Variants in FAM124B observed in about 807,000 individuals in gnomAD.
The protein encoded by FAM124B is family with sequence similarity 124 member B.
A neutral mutation model predicts 19.7 loss-of-function variants in FAM124B; 18 were observed. The observed-to-expected ratio is 0.92, with a 90% CI of 0.63 to 1.36. The LOEUF (loss-of-function observed/expected upper bound fraction) is 1.36. Among genes scored for constraint, FAM124B ranks in the 40% most tolerant of loss-of-function variants. The pLI is 0.00. For synonymous variants in FAM124B, 223 were observed against 225.2 expected (o/e 0.99, Z 0.09); for missense variants, 540 against 553.3 (o/e 0.98, Z 0.24).
In FAM124B at chr2:224,380,155, C is replaced by T. The variant is rs200510905; in HGVS notation, c.786G>A (p.Met262Ile). ...AAGTCAGCCTGGAGCCCAGGGGAAG[C>T]ATGCCAGCTCCCAAGATGCCATTCT... ...GVKNGILGAG[M>I]LPLGSRLTSV... Residue 262 changes from methionine (M) to isoleucine (I), a missense_variant, in exon 2 of 2, where the codon ATG becomes ATA. Coordinates refer to ENST00000409685, the MANE Select transcript of FAM124B (RefSeq NM_001122779.2). 1.3e-6 allele frequency: 2 copies of T among 1,551,404 alleles called. No homozygotes were observed. The highest frequency in any genetic ancestry group is 2.0e-5 in the Admixed American group (1 of 50,986).
Position 224,379,163 on chromosome 2 carries a change from T to A in FAM124B, c.*410A>T, listed in dbSNP as rs143256956. 118 of 162,478 alleles carry A rather than the reference T, an allele frequency of 7.3e-4. 2 individuals are homozygous for A. Among genetic ancestry groups the A allele is most frequent in the Non-Finnish European group, 1.0e-3 (77 of 73,612 alleles). The allele number at this position is 162,478 out of a possible 1,614,324, so 10.1% of individuals were successfully genotyped here. A position where few individuals can be genotyped will look rare whatever the true frequency, so the allele number is the denominator to read the frequency against. ...AAAAGCATTCAAGAGTAAATAGCAGTCCATATTGTCCAGGGGGATGAGCTA... is the reference window on the plus strand; with the variant it reads ...AAAAGCATTCAAGAGTAAATAGCAGACCATATTGTCCAGGGGGATGAGCTA... On this transcript the variant is annotated 3_prime_UTR_variant, in exon 2 of 2. Transcript: ENST00000409685.
chr2:224,380,317 T>C, intron 1 of FAM124B, 109 bp from the exon 2 acceptor site: 1 of 995,264 alleles, frequency 1.0e-6, no homozygotes, highest in Non-Finnish European at 1.5e-6. Context: ...ATAGCAGACT[T>C]TCAGTAAATT....
intron 1 of FAM124B, among the ~76,000 whole-genome samples, chr2:224,395,208 T>G (rs1010990026): frequency 1.3e-5 from 2 of 151,846 alleles, no homozygotes; most frequent in Non-Finnish European, 2.9e-5. Flanking sequence ...GGGCAGGAGA[T>G]GAATGCATCA....
Position 224,402,064 on chromosome 2 carries a change from G to A in FAM124B, c.-296C>T, listed in dbSNP as rs116629876. On this transcript the variant is annotated 5_prime_UTR_variant, in exon 1 of 2. Coordinates refer to ENST00000409685, the MANE Select transcript of FAM124B (RefSeq NM_001122779.2). The stretch of plus-strand genomic sequence containing the variant: ...TAACTGCTTGTGTTTAGCCTTTTCA[G>A]GCGTTCCCCAGGGTTTCTGCGTGAC... 1,449 of 342,628 alleles carry A rather than the reference G, an allele frequency of 4.2e-3. 14 individuals carry two copies. The highest frequency in any genetic ancestry group is 0.027 in the African/African-American group (1,311 of 49,182). The allele number at this position is 342,628 out of a possible 1,614,324, so 21.2% of individuals were successfully genotyped here.
intron 1 of FAM124B, chr2:224,400,436 G>T: frequency 1.4e-6 from 1 of 695,568 alleles, no homozygotes. Context: ...AACCCAGAAG[G>T]TGAAGACCTC....
rs1329097574 is a variant in FAM124B, at chr2:224,401,788, G to A, written c.-20C>T. On this transcript the variant is annotated 5_prime_UTR_variant, in exon 1 of 2. Coordinates refer to ENST00000409685, the MANE Select transcript of FAM124B (RefSeq NM_001122779.2). ...ATCCATGGAGGAACTGCCTGAGGCT[G>A]ACAAAGACAGCGTGTGTAGAAGGCC... The A allele has an allele frequency of 6.3e-7, 1 of 1,596,162 alleles. No individual in the cohort carries two copies. The highest frequency in any genetic ancestry group is 8.5e-7 in the Non-Finnish European group (1 of 1,170,254).
rs560478311 is a variant in FAM124B, at chr2:224,382,474, A to AT, written c.733-2267dup. ...GCCCAATCTGGAGTGCAATGGCGCA[A>AT]TCTCAGCTCACTGCAACCTCCACCT... is the stretch of plus-strand genomic sequence containing the variant. On this transcript the variant is annotated intron_variant, in intron 1 of 1. Coordinates refer to ENST00000409685, the MANE Select transcript of FAM124B (RefSeq NM_001122779.2). Among the ~76,000 whole-genome samples, 386 of 144,370 alleles carry AT rather than the reference A, an allele frequency of 2.7e-3. 2 individuals carry two copies. The highest frequency in any genetic ancestry group is 4.1e-3 in the Non-Finnish European group (279 of 67,358). 94.7% of individuals were successfully genotyped at this position (144,370 alleles called of 152,430 possible).
intron 1 of FAM124B, among the ~76,000 whole-genome samples, chr2:224,390,242 G>C (rs1200504061): frequency 2.0e-5 from 3 of 151,776 alleles, no homozygotes; most frequent in Admixed American, 6.6e-5. Context: ...ATTTCAAGAA[G>C]GCAGGAGTGG....
chr2:224,392,599 AC>A (rs1689905640), intron 1 of FAM124B, among the ~76,000 whole-genome samples: 1 of 152,132 alleles, frequency 6.6e-6, no homozygotes, highest in Admixed American at 6.5e-5. Flanking sequence ...TACAAAAAAT[AC>A]AAAAATTAGC....
chr2:224,398,938 T>C (rs1306535524), intron 1 of FAM124B, among the ~76,000 whole-genome samples: 1 of 152,050 alleles, frequency 6.6e-6, no homozygotes, highest in African/African-American at 2.4e-5. Flanking sequence ...GATCACACCA[T>C]TGCACTCCAG....
intron 1 of FAM124B, among the ~76,000 whole-genome samples, chr2:224,391,454 G>A (rs548471759): frequency 1.6e-3 from 237 of 152,100 alleles, no homozygotes; most frequent in Middle Eastern, 6.8e-3. Context: ...GCTAAGATAT[G>A]AAACGGAAAG....
chr2:224,390,742 C>T (rs1383092170), intron 1 of FAM124B, among the ~76,000 whole-genome samples: 1 of 150,498 alleles, frequency 6.6e-6, no homozygotes, highest in Non-Finnish European at 1.5e-5. Context: ...TCTCAGTCGC[C>T]CAGGCTGGAG....
At chr2:224,382,406 T>A (rs942840717) in intron 1 of FAM124B, among the ~76,000 whole-genome samples, 31 of 38,122 alleles carry the variant, frequency 8.1e-4, no homozygotes, top group Middle Eastern at 0.011. Context: ...ATTCCCTGTC[T>A]TTTTTTTTTT....
rs1253390713 is a variant in FAM124B, at chr2:224,401,516, C to CG, written c.252dup (p.Val85ArgfsTer63). 3.1e-6 allele frequency: 5 copies of CG among 1,614,078 alleles called. No homozygotes were observed. The highest frequency in any genetic ancestry group is 1.6e-4 in the Middle Eastern group (1 of 6,062). On this transcript the variant is annotated frameshift_variant, in exon 1 of 2. Transcript: ENST00000409685. LOFTEE classifies it high-confidence loss of function. ...GGCGAATGCTGGAGAGAGTCCAGGACGCGAAATAGCCTATCCTCTCCCGGG... is the reference window on the plus strand; with the variant it reads ...GGCGAATGCTGGAGAGAGTCCAGGACGGCGAAATAGCCTATCCTCTCCCGGG...
At position 224,401,225 on chromosome 2, in the gene FAM124B, AG is replaced by A. The variant is rs1292219914; in HGVS notation, c.543del (p.Phe182LeufsTer7). 5 of 1,614,014 alleles carry A rather than the reference AG, an allele frequency of 3.1e-6. No homozygotes were observed. The highest frequency in any genetic ancestry group is 4.2e-6 in the Non-Finnish European group (5 of 1,180,038). On this transcript the variant is annotated frameshift_variant, in exon 1 of 2. Transcript: ENST00000409685. LOFTEE classifies it high-confidence loss of function. Reference protein sequence around the residue: ...FCFFVLYASKSFALQLSLKQL... With the variant: ...FCFFVLYASKXFALQLSLKQL... ...TGCTTCAGGGAGAGCTGCAGAGCAA[AG>A]CTCTTGGAGGCATAGAGCACGAAGA... is the stretch of plus-strand genomic sequence containing the variant.
chr2:224,383,414 C>T (rs1689755688), intron 1 of FAM124B, among the ~76,000 whole-genome samples: 1 of 152,120 alleles, frequency 6.6e-6, no homozygotes, highest in Non-Finnish European at 1.5e-5. Context: ...CTCTACATTT[C>T]CCTTTGCTCT....
At position 224,401,462 on chromosome 2, in the gene FAM124B, G is replaced by A. The variant is rs377743341; in HGVS notation, c.307C>T (p.Arg103Trp). 216 of 1,613,956 alleles carry A rather than the reference G, an allele frequency of 1.3e-4. No homozygotes were observed. Among genetic ancestry groups the A allele is most frequent in the Non-Finnish European group, 1.8e-4 (210 of 1,179,984 alleles). The change falls in exon 1 of 2, where the codon CGG (arginine) becomes TGG (tryptophan). Residue 103 changes from arginine to tryptophan, a missense_variant. By Grantham distance (101) the Arg-to-Trp change is moderately radical (BLOSUM62 -3). Coordinates refer to ENST00000409685, the MANE Select transcript of FAM124B (RefSeq NM_001122779.2). ...PWQCYPTQDT[R>W]GRLCPYFFAN... Reference sequence around the variant, plus strand: ...AAAAAGTAGGGACACAGCCTTCCCCGAGTGTCCTGGGTGGGGTAGCACTGC... The same window carrying A: ...AAAAAGTAGGGACACAGCCTTCCCCAAGTGTCCTGGGTGGGGTAGCACTGC...
In FAM124B at chr2:224,401,877, C is replaced by T. The variant is rs368721183; in HGVS notation, c.-109G>A. The T allele has an allele frequency of 2.0e-5, 26 of 1,322,606 alleles. No homozygotes were observed. In the African/African-American group the frequency reaches 3.7e-4, roughly 19 times the overall value. 81.9% of individuals were successfully genotyped at this position (1,322,606 alleles called of 1,614,324 possible). On this transcript the variant is annotated 5_prime_UTR_variant, in exon 1 of 2. Coordinates refer to ENST00000409685, the MANE Select transcript of FAM124B (RefSeq NM_001122779.2). ...AGCCTTCAGCCCGCCTGAAAACCTT[C>T]AGCTGCAGCGGCTACTTCTGAGCAG...
chr2:224,384,923 C>G (rs768597966), intron 1 of FAM124B, among the ~76,000 whole-genome samples: 2 of 151,946 alleles, frequency 1.3e-5, no homozygotes, highest in Non-Finnish European at 2.9e-5. Flanking sequence ...CCTTCTCTTT[C>G]TCTCTCTCTG....
Sources: gnomAD v4.1 joint callset for allele counts (sites outside exome capture counted in the v4.1 genomes callset) on GRCh38, gnomAD v4.1.1 for gene constraint, MANE v1.5 for transcripts, NCBI Gene and HGNC (gene_info 2026-07-23, HGNC 2026-07-21) for gene names.